Variants in KIAA0753 observed in about 807,000 individuals in gnomAD.
KIAA0753 encodes KIAA0753, also known as protein moonraker.
A neutral mutation model predicts 116.9 loss-of-function variants in KIAA0753; 114 were observed. The ratio of observed to expected loss-of-function variants is 0.98; its 90% CI spans 0.84 to 1.14. KIAA0753 has a LOEUF of 1.14. Ranked by LOEUF, KIAA0753 falls within the 50% of genes most tolerant of loss-of-function variation. The probability of loss-of-function intolerance (pLI) is 0.00; values close to 1 mark genes in which losing one functional copy is unlikely to be tolerated. For synonymous variants in KIAA0753, 405 were observed against 413.1 expected (o/e 0.98, Z 0.24); for missense variants, 1,156 against 1,172.4 (o/e 0.99, Z 0.20).
Position 6,635,129 on chromosome 17 carries a change from T to C in KIAA0753, c.-26A>G, listed in dbSNP as rs202158381. The C allele has an allele frequency of 7.2e-6, 11 of 1,519,780 alleles. No homozygotes were observed. Among genetic ancestry groups the C allele is most frequent in the Middle Eastern group, 3.4e-4 (2 of 5,892 alleles). 94.1% of individuals were successfully genotyped at this position (1,519,780 alleles called of 1,614,324 possible). ...AATGTCAGGTAGTACAGAACAATAG[T>C]GACAGCCTTGTCATCCGGCAACAGT... On this transcript the variant is annotated 5_prime_UTR_variant, in exon 2 of 19. Coordinates refer to ENST00000361413, the MANE Select transcript of KIAA0753 (RefSeq NM_014804.3).
chr17:6,582,628 CTAAAA>C (rs1242605936), intron 18 of KIAA0753, among the ~76,000 whole-genome samples: 1 of 152,172 alleles, frequency 6.6e-6, no homozygotes, highest in Non-Finnish European at 1.5e-5. Flanking sequence ...GTTTATGCTT[CTAAAA>C]TAATAGGCAT....
intron 5 of KIAA0753, 109 bp downstream of exon 5, chr17:6,623,400 T>C (rs910743824): frequency 1.7e-5 from 15 of 887,744 alleles, no homozygotes; most frequent in Non-Finnish European, 2.4e-5. Flanking sequence ...AACAGGTTTC[T>C]GCAAGTACTG....
At chr17:6,619,939 C>T (rs746609946) in intron 7 of KIAA0753, among the ~76,000 whole-genome samples, 1 of 152,036 alleles carries the variant, frequency 6.6e-6, no homozygotes, top group Non-Finnish European at 1.5e-5. Context: ...AAAATGTTTA[C>T]AATTTTAAAA....
chr17:6,615,808 A>G (rs1219477048), intron 7 of KIAA0753, among the ~76,000 whole-genome samples: 1 of 152,174 alleles, frequency 6.6e-6, no homozygotes, highest in East Asian at 1.9e-4. Context: ...CACCACCCTC[A>G]TTGCTGACAA....
intron 3 of KIAA0753, among the ~76,000 whole-genome samples, chr17:6,627,544 A>T (rs2150905027): frequency 6.6e-6 from 1 of 152,250 alleles, no homozygotes; most frequent in Admixed American, 6.5e-5. Context: ...TCTTCTACTC[A>T]GCAGGGAAAT....
chr17:6,627,374 T>C (rs1252806789), intron 3 of KIAA0753, among the ~76,000 whole-genome samples: 1 of 152,246 alleles, frequency 6.6e-6, no homozygotes, highest in Non-Finnish European at 1.5e-5. Flanking sequence ...TATGCATATA[T>C]TAATTAAATT....
At chr17:6,590,749 G>A in intron 16 of KIAA0753, 119 bp from the exon 17 acceptor site, 1 of 1,030,042 alleles carries the variant, frequency 9.7e-7, no homozygotes, top group Non-Finnish European at 1.4e-6. Context: ...AAGCACGACA[G>A]GGTTGGCTAG....
chr17:6,592,329 G>A (rs1451401739), intron 16 of KIAA0753, among the ~76,000 whole-genome samples: 1 of 152,120 alleles, frequency 6.6e-6, no homozygotes. Flanking sequence ...AGGCTGCTGT[G>A]GTAAACCTTC....
At chr17:6,596,123 T>C (rs916978276) in intron 15 of KIAA0753, 35 bp downstream of exon 15, 1 of 1,599,762 alleles carries the variant, frequency 6.3e-7, no homozygotes, top group Non-Finnish European at 8.5e-7. Context: ...GGCCAGCCCC[T>C]AGCAGCGAAC....
intron 14 of KIAA0753, among the ~76,000 whole-genome samples, chr17:6,596,744 C>T (rs1338973473): frequency 2.0e-5 from 3 of 152,184 alleles, no homozygotes; most frequent in South Asian, 2.1e-4. Context: ...TCTGTGAAAA[C>T]GTCTGCTCAT....
intron 8 of KIAA0753, among the ~76,000 whole-genome samples, chr17:6,611,314 T>TC (rs1213568549): frequency 3.9e-5 from 6 of 152,290 alleles, no homozygotes; most frequent in Admixed American, 3.9e-4. Flanking sequence ...TTTTTTTTTT[T>TC]CTTTAAGACA....
At chr17:6,626,425 G>T (rs1293485513) in intron 3 of KIAA0753, among the ~76,000 whole-genome samples, 3 of 152,218 alleles carry the variant, frequency 2.0e-5, no homozygotes, top group Non-Finnish European at 4.4e-5. Flanking sequence ...TACAGATGCA[G>T]TCTCAAGAGA....
intron 18 of KIAA0753, among the ~76,000 whole-genome samples, chr17:6,581,447 G>A (rs1039609449): frequency 1.3e-5 from 2 of 152,068 alleles, no homozygotes; most frequent in Admixed American, 6.5e-5. Context: ...ACTGGGTTAC[G>A]GTGATGTCTG....
At chr17:6,587,840 C>T (rs929895598) in intron 18 of KIAA0753, among the ~76,000 whole-genome samples, 18 of 152,260 alleles carry the variant, frequency 1.2e-4, no homozygotes, top group African/African-American at 3.6e-4. Context: ...CATAAATCTA[C>T]AAAAAGAGAC....
In KIAA0753 at chr17:6,620,859, C is replaced by A. The variant is rs1971270695; in HGVS notation, c.1244G>T (p.Arg415Met). ...WPSTSPKGER[R>M]PLTAKDTFPQ... ...GAATGTGTCCTTTGCTGTGAGGGGCCTCCTCTCACCCTTTGGTGATGTACT... is the reference window on the plus strand; with the variant it reads ...GAATGTGTCCTTTGCTGTGAGGGGCATCCTCTCACCCTTTGGTGATGTACT... Residue 415 changes from arginine (R) to methionine (M), a missense_variant, in exon 7 of 19, where the codon AGG becomes ATG. Transcript: ENST00000361413. The A allele has an allele frequency of 1.2e-6, 2 of 1,614,182 alleles. No homozygotes were observed. The highest frequency in any genetic ancestry group is 1.7e-6 in the Non-Finnish European group (2 of 1,180,004).
intron 6 of KIAA0753, among the ~76,000 whole-genome samples, chr17:6,621,376 C>T (rs988782171): frequency 6.6e-6 from 1 of 152,174 alleles, no homozygotes; most frequent in South Asian, 2.1e-4. Flanking sequence ...TTTAAGTGGG[C>T]ACACATACTG....
chr17:6,620,311 G>C (rs1472227863), intron 7 of KIAA0753, among the ~76,000 whole-genome samples: 1 of 151,916 alleles, frequency 6.6e-6, no homozygotes, highest in Non-Finnish European at 1.5e-5. Flanking sequence ...ATAAATGTGT[G>C]CCCACTTTTA....
chr17:6,589,156 G>A (rs1329147039), intron 18 of KIAA0753, among the ~76,000 whole-genome samples: 1 of 152,186 alleles, frequency 6.6e-6, no homozygotes, highest in Non-Finnish European at 1.5e-5. Context: ...CCCCAATGTG[G>A]TAGTATCTGT....
chr17:6,587,714 T>C lies in KIAA0753; in HGVS notation c.2786+2065A>G, dbSNP rs145959775. On this transcript the variant is annotated intron_variant, in intron 18 of 18. Coordinates refer to ENST00000361413, the MANE Select transcript of KIAA0753 (RefSeq NM_014804.3). ...ATCTTATATACTTTGAAGGGTACTA[T>C]CATATATACCAAAGAAAAGTCTCAG... Among the ~76,000 whole-genome samples, 191 of 152,318 alleles carry C rather than the reference T, an allele frequency of 1.3e-3. 1 individual carries two copies. In the East Asian group the frequency reaches 0.015, roughly 12 times the overall value.
Sources: gnomAD v4.1 joint callset for allele counts (sites outside exome capture counted in the v4.1 genomes callset) on GRCh38, gnomAD v4.1.1 for gene constraint, MANE v1.5 for transcripts, NCBI Gene and HGNC (gene_info 2026-07-23, HGNC 2026-07-21) for gene names.